Variants in TSPAN5 observed in about 807,000 individuals in gnomAD.
TSPAN5 encodes tetraspanin-5.
A neutral mutation model predicts 37.1 loss-of-function variants in TSPAN5; 10 were observed. That is an observed-to-expected ratio of 0.27 (90% confidence interval 0.17 to 0.46). The LOEUF is 0.46. Among genes scored for constraint, TSPAN5 ranks in the 20% least tolerant of loss-of-function variants. TSPAN5 has a pLI of 1.00. For missense variants in TSPAN5, 195 were observed against 326.6 expected (o/e 0.60, Z 3.11); for synonymous variants, 110 against 118.9 (o/e 0.93, Z 0.48).
chr4:98,472,585 T>A lies in TSPAN5; in HGVS notation c.744A>T (p.Ile248=), dbSNP rs1128512. The part of the protein sequence containing the change: ...GIFIGIALLQ[I]FGICLAQNLV... ...AATTCTGGGCCAGGCATATCCCAAA[T>A]ATCTGAGAAAGGAAGAAAATGTGAG... Residue 248 remains isoleucine, a splice_region_variant and synonymous_variant, in exon 8 of 8, where the codon ATA becomes ATT. Coordinates refer to ENST00000305798, the MANE Select transcript of TSPAN5 (RefSeq NM_005723.4). 47,036 of 1,613,052 alleles carry A rather than the reference T, an allele frequency of 0.029. 4,299 individuals are homozygous for A. In the African/African-American group the frequency reaches 0.32, roughly 11 times the overall value.
chr4:98,581,203 C>T (rs545408841), intron 1 of TSPAN5, among the ~76,000 whole-genome samples: 2 of 152,130 alleles, frequency 1.3e-5, no homozygotes, highest in South Asian at 4.1e-4. Context: ...CTTTGAATAA[C>T]AAATAATAAG....
intron 1 of TSPAN5, among the ~76,000 whole-genome samples, chr4:98,625,926 T>G (rs1225384235): frequency 6.6e-6 from 1 of 152,230 alleles, no homozygotes; most frequent in East Asian, 1.9e-4. Flanking sequence ...TATTTTTAAG[T>G]TGAGTACTAT....
At chr4:98,502,061 T>C (rs763967007) in intron 2 of TSPAN5, among the ~76,000 whole-genome samples, 9 of 152,124 alleles carry the variant, frequency 5.9e-5, no homozygotes, top group Non-Finnish European at 1.3e-4. Context: ...GGGCTGAATA[T>C]GGTATGAGGA....
intron 2 of TSPAN5, among the ~76,000 whole-genome samples, chr4:98,494,706 T>C (rs1005829512): frequency 3.9e-5 from 6 of 152,210 alleles, no homozygotes; most frequent in African/African-American, 1.4e-4. Context: ...CCAGACACTG[T>C]AGAGGCACCC....
rs147974267 is a variant in TSPAN5, at chr4:98,528,301, T to C, written c.82-20573A>G. 4.8e-3 allele frequency among the ~76,000 whole-genome samples: 730 copies of C among 152,186 alleles called. 5 individuals carry two copies. The highest frequency in any genetic ancestry group is 0.014 in the Middle Eastern group (4 of 294). On this transcript the variant is annotated intron_variant, in intron 1 of 7. Transcript: ENST00000305798. The stretch of plus-strand genomic sequence containing the variant: ...TATTTATTAAAATATTCCTTAAATA[T>C]GCAGAAATAGAAGACTGGTATAAAA...
rs1328702134 is a variant in TSPAN5, at chr4:98,554,057, ACTCTATCT to A, written c.82-46337_82-46330del. On this transcript the variant is annotated intron_variant, in intron 1 of 7. Transcript: ENST00000305798. The stretch of plus-strand genomic sequence containing the variant: ...GCTCCATCCTGGGTGACAGAGCGAG[ACTCTATCT>A]AAAAAAAAAATAAATTAAAAAAAAA... 1.8e-4 allele frequency among the ~76,000 whole-genome samples: 27 copies of A among 151,786 alleles called. 1 individual carries two copies. Among genetic ancestry groups the A allele is most frequent in the African/African-American group, 6.5e-4 (27 of 41,250 alleles).
intron 1 of TSPAN5, among the ~76,000 whole-genome samples, chr4:98,514,662 G>T (rs1753690244): frequency 1.3e-5 from 2 of 152,154 alleles, no homozygotes; most frequent in African/African-American, 4.8e-5. Context: ...CTTTCAGTGT[G>T]GCCCGAGTGC....
At chr4:98,533,939 T>TAAAAAGAAAAAA (rs1754165733) in intron 1 of TSPAN5, among the ~76,000 whole-genome samples, 1 of 31,148 alleles carries the variant, frequency 3.2e-5, no homozygotes, top group Non-Finnish European at 5.0e-5. Context: ...TTGTTGATCT[T>TAAAAAGAAAAAA]AAAAAAAAAA....
At chr4:98,656,928 A>C (rs1757305464) in intron 1 of TSPAN5, among the ~76,000 whole-genome samples, 1 of 152,216 alleles carries the variant, frequency 6.6e-6, no homozygotes. Context: ...GGAGAATTCA[A>C]ATAAATACAT....
At position 98,603,799 on chromosome 4, in the gene TSPAN5, C is replaced by T. The variant is rs1755940939; in HGVS notation, c.81+54347G>A. ...ATAAAATTGGTGCCCACTTCAGCTC[C>T]TCAGCATTTCTTATCTTACTCTCTG... On this transcript the variant is annotated intron_variant, in intron 1 of 7. Coordinates refer to ENST00000305798, the MANE Select transcript of TSPAN5 (RefSeq NM_005723.4). Among the ~76,000 whole-genome samples, 3 of 152,178 alleles carry T rather than the reference C, an allele frequency of 2.0e-5. No individual in the cohort carries two copies. In the South Asian group the frequency reaches 6.2e-4, roughly 32 times the overall value.
intron 1 of TSPAN5, among the ~76,000 whole-genome samples, chr4:98,603,095 C>A (rs1238330410): frequency 6.6e-6 from 1 of 152,174 alleles, no homozygotes; most frequent in Non-Finnish European, 1.5e-5. Context: ...TTCTTCTATA[C>A]CTTTGAACTC....
At chr4:98,529,595 GGACTAGA>G (rs1358246387) in intron 1 of TSPAN5, among the ~76,000 whole-genome samples, 4 of 152,186 alleles carry the variant, frequency 2.6e-5, no homozygotes, top group African/African-American at 9.7e-5. Context: ...TAAGTAGCCT[GGACTAGA>G]GTTGCTACCT....
At chr4:98,564,051 A>G (rs908722010) in intron 1 of TSPAN5, among the ~76,000 whole-genome samples, 12 of 152,236 alleles carry the variant, frequency 7.9e-5, no homozygotes, top group Non-Finnish European at 1.5e-4. Context: ...CACACACAAA[A>G]AACGTGTGAT....
intron 7 of TSPAN5, 98 bp downstream of exon 7, chr4:98,476,091 C>G: frequency 1.1e-6 from 1 of 877,304 alleles, no homozygotes; most frequent in Non-Finnish European, 1.9e-6. Context: ...GTCTTAAAAA[C>G]TATGACAATC....
intron 1 of TSPAN5, among the ~76,000 whole-genome samples, chr4:98,650,424 G>A (rs1294833663): frequency 6.6e-6 from 1 of 152,182 alleles, no homozygotes; most frequent in African/African-American, 2.4e-5. Flanking sequence ...GCCCCAGGAG[G>A]AAAGGTGGTG....
intron 1 of TSPAN5, among the ~76,000 whole-genome samples, chr4:98,521,937 A>C (rs1203035917): frequency 6.6e-6 from 1 of 152,166 alleles, no homozygotes; most frequent in African/African-American, 2.4e-5. Flanking sequence ...ACTGTTATTA[A>C]ACAGATGTCT....
chr4:98,656,222 C>G (rs889711012), intron 1 of TSPAN5, among the ~76,000 whole-genome samples: 5 of 152,190 alleles, frequency 3.3e-5, no homozygotes, highest in African/African-American at 1.2e-4. Context: ...CTAAATTTGT[C>G]TCTATGCACT....
chr4:98,535,629 T>C (rs1480421693), intron 1 of TSPAN5, among the ~76,000 whole-genome samples: 7 of 152,232 alleles, frequency 4.6e-5, no homozygotes, highest in African/African-American at 7.2e-5. Flanking sequence ...GAGAGTGTTT[T>C]CCAACTTGGT....
intron 1 of TSPAN5, among the ~76,000 whole-genome samples, chr4:98,551,320 G>T (rs1264762001): frequency 6.6e-6 from 1 of 151,736 alleles, no homozygotes; most frequent in African/African-American, 2.4e-5. Flanking sequence ...TTTCATCAGG[G>T]ATATTGGCCT....
Sources: gnomAD v4.1 joint callset for allele counts (sites outside exome capture counted in the v4.1 genomes callset) on GRCh38, gnomAD v4.1.1 for gene constraint, MANE v1.5 for transcripts, NCBI Gene and HGNC (gene_info 2026-07-23, HGNC 2026-07-21) for gene names.